The following PLXDC2 variants were observed in gnomAD, a reference collection of about 807,000 sequenced individuals.
PLXDC2 encodes the protein plexin domain-containing protein 2.
PLXDC2 carries 40 observed loss-of-function variants against 68.9 expected under a neutral mutation model. The ratio of observed to expected loss-of-function variants is 0.58; its 90% CI spans 0.45 to 0.76. PLXDC2 has a LOEUF of 0.76. PLXDC2 is among the 30% of genes least tolerant of loss of function. The probability of loss-of-function intolerance (pLI) is 0.00; values close to 1 mark genes in which losing one functional copy is unlikely to be tolerated. For synonymous variants in PLXDC2, 243 were observed against 234.2 expected (o/e 1.04, Z -0.34); for missense variants, 644 against 661.9 (o/e 0.97, Z 0.30).
chr10:19,842,950 T>C (rs887648977), intron 1 of PLXDC2, among the ~76,000 whole-genome samples: 2 of 152,232 alleles, frequency 1.3e-5, no homozygotes, highest in African/African-American at 4.8e-5. Flanking sequence ...GCTAAATGTA[T>C]TCAGTGTTTA....
At chr10:20,142,703 A>C (rs1298296775) in intron 4 of PLXDC2, among the ~76,000 whole-genome samples, 2 of 151,670 alleles carry the variant, frequency 1.3e-5, no homozygotes, top group Non-Finnish European at 2.9e-5. Context: ...AAACATATAG[A>C]CTTTATCTTC....
chr10:20,132,466 T>C (rs1833879968), intron 4 of PLXDC2, among the ~76,000 whole-genome samples: 1 of 152,212 alleles, frequency 6.6e-6, no homozygotes. Context: ...TCTACTATTA[T>C]TGTATTGGTG....
chr10:19,945,704 G>A (rs1255584064), intron 1 of PLXDC2, among the ~76,000 whole-genome samples: 1 of 152,122 alleles, frequency 6.6e-6, no homozygotes, highest in Non-Finnish European at 1.5e-5. Flanking sequence ...TGCTTCCCAA[G>A]TACACTCATA....
At chr10:19,888,747 C>A (rs1354118895) in intron 1 of PLXDC2, among the ~76,000 whole-genome samples, 2 of 151,956 alleles carry the variant, frequency 1.3e-5, no homozygotes, top group Non-Finnish European at 2.9e-5. Flanking sequence ...GATTGGCCAT[C>A]CCTATGAGAT....
intron 1 of PLXDC2, among the ~76,000 whole-genome samples, chr10:19,878,790 C>G (rs1837679313): frequency 6.6e-6 from 1 of 152,148 alleles, no homozygotes; most frequent in African/African-American, 2.4e-5. Flanking sequence ...TTCAAATTGC[C>G]CTGTCATCTC....
intron 9 of PLXDC2, among the ~76,000 whole-genome samples, chr10:20,208,855 G>C (rs761896592): frequency 2.6e-5 from 4 of 152,016 alleles, no homozygotes; most frequent in Non-Finnish European, 5.9e-5. Context: ...CTGGGTGTCC[G>C]GGGGAGACAT....
At chr10:19,863,591 A>T (rs1218256467) in intron 1 of PLXDC2, among the ~76,000 whole-genome samples, 2 of 152,208 alleles carry the variant, frequency 1.3e-5, no homozygotes, top group Non-Finnish European at 2.9e-5. Flanking sequence ...AACTCCAAGG[A>T]TGGAATTTTT....
At chr10:19,993,255 T>C (rs1834780446) in intron 1 of PLXDC2, among the ~76,000 whole-genome samples, 1 of 152,216 alleles carries the variant, frequency 6.6e-6, no homozygotes, top group Non-Finnish European at 1.5e-5. Flanking sequence ...GTCTTAATTT[T>C]ATTAATTATG....
chr10:19,970,297 G>A (rs774296129), intron 1 of PLXDC2, among the ~76,000 whole-genome samples: 48 of 152,308 alleles, frequency 3.2e-4, no homozygotes, highest in Middle Eastern at 3.4e-3. Flanking sequence ...TACTTTGTAT[G>A]CATCAACTGC....
chr10:20,151,021 T>A (rs1834145447), intron 6 of PLXDC2, among the ~76,000 whole-genome samples: 1 of 152,184 alleles, frequency 6.6e-6, no homozygotes, highest in South Asian at 2.1e-4. Context: ...AAGAAGTCAT[T>A]TTTACTTTAT....
chr10:19,882,595 G>A (rs1214949590), intron 1 of PLXDC2, among the ~76,000 whole-genome samples: 2 of 152,146 alleles, frequency 1.3e-5, no homozygotes, highest in African/African-American at 4.8e-5. Flanking sequence ...GAAGCTATGT[G>A]GTAGAGCTAA....
chr10:20,021,685 AT>A (rs1835312583), intron 2 of PLXDC2, among the ~76,000 whole-genome samples: 2 of 149,522 alleles, frequency 1.3e-5, no homozygotes, highest in Non-Finnish European at 3.0e-5. Flanking sequence ...TTTATTATTT[AT>A]TTATTTATTT....
chr10:19,991,072 C>T (rs1477760165), intron 1 of PLXDC2, among the ~76,000 whole-genome samples: 5 of 151,936 alleles, frequency 3.3e-5, no homozygotes, highest in Non-Finnish European at 7.4e-5. Context: ...CATGGAGAAA[C>T]CCCATCTCCA....
At chr10:20,084,496 G>A (rs1833163141) in intron 4 of PLXDC2, among the ~76,000 whole-genome samples, 1 of 152,114 alleles carries the variant, frequency 6.6e-6, no homozygotes, top group African/African-American at 2.4e-5. Flanking sequence ...TTGTAACAGG[G>A]TAGTGGGATG....
chr10:19,973,314 A>ATATATATGTATACATATATGTGTG (rs1554849850), intron 1 of PLXDC2, among the ~76,000 whole-genome samples: 1 of 136,934 alleles, frequency 7.3e-6, no homozygotes, highest in African/African-American at 2.7e-5. Flanking sequence ...ATATACTCAC[A>ATATATATGTATACATATATGTGTG]TATATATGTA....
intron 2 of PLXDC2, among the ~76,000 whole-genome samples, chr10:20,046,635 C>T (rs1359109011): frequency 6.6e-6 from 1 of 151,982 alleles, no homozygotes; most frequent in Non-Finnish European, 1.5e-5. Flanking sequence ...AATTCACATT[C>T]TAAATTTTAT....
At chr10:20,005,040 G>A (rs756863999) in intron 2 of PLXDC2, among the ~76,000 whole-genome samples, 13 of 152,082 alleles carry the variant, frequency 8.5e-5, no homozygotes, top group Non-Finnish European at 1.8e-4. Flanking sequence ...TTACACGAGG[G>A]CAATTTCAGA....
chr10:19,908,264 T>C (rs1327245376), intron 1 of PLXDC2, among the ~76,000 whole-genome samples: 1 of 152,138 alleles, frequency 6.6e-6, no homozygotes, highest in Non-Finnish European at 1.5e-5. Flanking sequence ...AAAACACATG[T>C]TTATAAATTG....
chr10:20,005,787 C>T (rs146247784), intron 2 of PLXDC2, among the ~76,000 whole-genome samples: 1,834 of 152,276 alleles, frequency 0.012, 20 homozygotes, highest in Non-Finnish European at 0.018. Flanking sequence ...GATTCAGACA[C>T]CTCCCACCAG....
Sources: gnomAD v4.1 joint callset for allele counts (sites outside exome capture counted in the v4.1 genomes callset) on GRCh38, gnomAD v4.1.1 for gene constraint, MANE v1.5 for transcripts, NCBI Gene and HGNC (gene_info 2026-07-23, HGNC 2026-07-21) for gene names.